Variants in SPMIP11 observed in about 807,000 individuals in gnomAD.
The protein encoded by SPMIP11 is sperm microtubule inner protein 11, also known as long intergenic non-protein coding RNA 935.
the SPMIP11 span, among the ~76,000 whole-genome samples, chr12:48,742,320 C>T: frequency 7.9e-6 from 1 of 127,116 alleles, no homozygotes; most frequent in African/African-American, 3.0e-5. Flanking sequence ...CTCACTCTGT[C>T]GCCAAGGCTG....
the SPMIP11 span, chr12:48,768,823 C>G: frequency 6.4e-7 from 1 of 1,553,568 alleles, no homozygotes; most frequent in Non-Finnish European, 8.7e-7. Flanking sequence ...CAGTCCCTGC[C>G]CCACCATACA....
chr12:48,768,969 T>TA, the SPMIP11 span: 1 of 1,614,070 alleles, frequency 6.2e-7, no homozygotes, highest in Non-Finnish European at 8.5e-7. Flanking sequence ...GTGCTGTCCA[T>TA]ACGACTAGAG....
chr12:48,738,858 C>T, the SPMIP11 span, among the ~76,000 whole-genome samples: 6 of 151,732 alleles, frequency 4.0e-5, no homozygotes, highest in Admixed American at 3.3e-4. Context: ...AGCTCCACTT[C>T]TTGAGGGGAG....
chr12:48,770,721 G>A, the SPMIP11 span: 5 of 1,587,354 alleles, frequency 3.1e-6, no homozygotes, highest in African/African-American at 2.7e-5. Context: ...AGCTTCACCT[G>A]GAAAAAGTCC....
At chr12:48,770,587 T>G in the SPMIP11 span, among the ~76,000 whole-genome samples, 8 of 152,164 alleles carry the variant, frequency 5.3e-5, no homozygotes, top group African/African-American at 1.9e-4. Flanking sequence ...GCTCAAAAAT[T>G]TATAGGACAG....
chr12:48,735,820 G>A, the SPMIP11 span, among the ~76,000 whole-genome samples: 3 of 152,166 alleles, frequency 2.0e-5, no homozygotes, highest in South Asian at 4.2e-4. Context: ...GGAGGTGGAG[G>A]TTGTAGTGAG....
chr12:48,730,274 A>T, the SPMIP11 span, among the ~76,000 whole-genome samples: 1 of 152,148 alleles, frequency 6.6e-6, no homozygotes, highest in South Asian at 2.1e-4. Context: ...AAGTATCCCG[A>T]TATCATCTAC....
chr12:48,771,276 T>C, the SPMIP11 span: 5 of 487,910 alleles, frequency 1.0e-5, no homozygotes, highest in Non-Finnish European at 1.9e-5. This position sits in a 1 kb window ranked among gnomAD's most constrained non-coding sequence, Gnocchi z 4.3. Context: ...AGTCCCAGAG[T>C]GAGCAAGTGA....
At chr12:48,764,342 G>C in the SPMIP11 span, among the ~76,000 whole-genome samples, 1 of 152,044 alleles carries the variant, frequency 6.6e-6, no homozygotes, top group South Asian at 2.1e-4. Context: ...AAAAATTTAA[G>C]AATATTTAAT....
the SPMIP11 span, chr12:48,765,707 G>A: frequency 2.8e-6 from 2 of 701,808 alleles, no homozygotes; most frequent in African/African-American, 3.5e-5. Flanking sequence ...GTGCAGAGGG[G>A]GAAAGAAGGA....
the SPMIP11 span, among the ~76,000 whole-genome samples, chr12:48,731,274 T>C: frequency 6.6e-6 from 1 of 152,116 alleles, no homozygotes. Context: ...GGGCGGATCA[T>C]GAGGTCAGGA....
At chr12:48,749,694 T>C in the SPMIP11 span, among the ~76,000 whole-genome samples, 1 of 147,380 alleles carries the variant, frequency 6.8e-6, no homozygotes, top group Non-Finnish European at 1.5e-5. Context: ...TTCTTCTTCT[T>C]CTTTTTTTTT....
the SPMIP11 span, among the ~76,000 whole-genome samples, chr12:48,746,360 C>CTTTTTTTTTTT: frequency 9.9e-6 from 1 of 101,196 alleles, no homozygotes; most frequent in Non-Finnish European, 2.0e-5. Flanking sequence ...ACTATAATTC[C>CTTTTTTTTTTT]TTTTTTTTTT....
At chr12:48,745,144 G>A in the SPMIP11 span, among the ~76,000 whole-genome samples, 36 of 151,624 alleles carry the variant, frequency 2.4e-4, no homozygotes, top group Non-Finnish European at 4.4e-4. Context: ...GGTGGCGGGC[G>A]CCTGTAGTCC....
At chr12:48,740,660 CT>C in the SPMIP11 span, among the ~76,000 whole-genome samples, 887 of 141,438 alleles carry the variant, frequency 6.3e-3, 1 homozygote, top group East Asian at 0.01. Context: ...ACCTGGCCAA[CT>C]TTTTTTTTTT....
chr12:48,769,890 T>C, the SPMIP11 span, among the ~76,000 whole-genome samples: 1 of 151,274 alleles, frequency 6.6e-6, no homozygotes, highest in African/African-American at 2.4e-5. Context: ...GCCTCCCGAG[T>C]AGCTGGGACT....
the SPMIP11 span, among the ~76,000 whole-genome samples, chr12:48,747,996 G>A: frequency 6.6e-6 from 1 of 152,142 alleles, no homozygotes. Context: ...AGGGCAGCCT[G>A]ACAATCCTAT....
chr12:48,727,507 G>A, the SPMIP11 span: 1 of 702,852 alleles, frequency 1.4e-6, no homozygotes, highest in Non-Finnish European at 2.6e-6. Context: ...TGTATCTATT[G>A]GGATATCAAA....
At chr12:48,770,167 G>A in the SPMIP11 span, among the ~76,000 whole-genome samples, 51 of 150,170 alleles carry the variant, frequency 3.4e-4, no homozygotes, top group Middle Eastern at 3.4e-3. Context: ...GCTTCCCAAA[G>A]TGCTGGGATT....
Sources: gnomAD v4.1 joint callset for allele counts (sites outside exome capture counted in the v4.1 genomes callset) on GRCh38, gnomAD v4.1.1 for gene constraint, Gnocchi (gnomAD v3.1) non-coding constraint, MANE v1.5 for transcripts, NCBI Gene and HGNC (gene_info 2026-07-23, HGNC 2026-07-21) for gene names.